The following RGS4 variants were observed in gnomAD, a reference collection of about 807,000 sequenced individuals.
RGS4 encodes schizophrenia disorder 9.
A neutral mutation model predicts 21.6 loss-of-function variants in RGS4; 15 were observed. The observed-to-expected ratio is 0.69, with a 90% CI of 0.46 to 1.07. The LOEUF is 1.07. RGS4 is among the 50% of genes least tolerant of loss of function. The pLI is 0.00. For synonymous variants in RGS4, 94 were observed against 85.5 expected (o/e 1.10, Z -0.55); for missense variants, 237 against 239.0 (o/e 0.99, Z 0.06).
intron 2 of RGS4, 47 bp from the exon 3 acceptor site, chr1:163,072,758 T>G: frequency 6.5e-7 from 1 of 1,536,972 alleles, no homozygotes; most frequent in Non-Finnish European, 9.0e-7. Context: ...GCCCCAATTT[T>G]TTTACCATGG....
Position 163,072,472 on chromosome 1 carries a change from A to C in RGS4, c.122A>C (p.Lys41Thr). 6.2e-7 allele frequency: 1 copy of C among 1,612,894 alleles called. No homozygotes were observed. The highest frequency in any genetic ancestry group is 8.5e-7 in the Non-Finnish European group (1 of 1,179,164). The change falls in exon 2 of 5, where the codon AAG (lysine) becomes ACG (threonine). Residue 41 changes from lysine (K) to threonine (T), a missense_variant. By Grantham distance (78) the Lys-to-Thr change is moderately conservative (BLOSUM62 -1). Coordinates refer to ENST00000367909, the MANE Select transcript of RGS4 (RefSeq NM_005613.6). ...TGTGAACACAATTCTTCCCACAACA[A>C]GAAGGACAAAGTGGTTATTTGCCAG... ...DSCEHNSSHNKKDKVVICQRV... is the reference protein window; with the variant it reads ...DSCEHNSSHNTKDKVVICQRV...
At position 163,072,418 on chromosome 1, in the gene RGS4, T is replaced by G. The variant is rs768355409; in HGVS notation, c.68T>G (p.Leu23Arg). Residue 23 changes from leucine (L) to arginine (R), a missense_variant, in exon 2 of 5, where the codon CTA (leucine) becomes CGA (arginine). Coordinates refer to ENST00000367909, the MANE Select transcript of RGS4 (RefSeq NM_005613.6). ...AGTGCAAAAGATATGAAACATCGGC[T>G]AGGTTTCCTGCTGCAAAAATCTGAT... ...LRSAKDMKHR[L>R]GFLLQKSDSC... 7.4e-6 allele frequency: 12 copies of G among 1,613,012 alleles called. No individual in the cohort carries two copies. The East Asian group carries it at 2.5e-4, about 33-fold the overall frequency.
Position 163,074,732 on chromosome 1 carries a change from T to C in RGS4, c.*172T>C, listed in dbSNP as rs778862768. On this transcript the variant is annotated 3_prime_UTR_variant, in exon 5 of 5. Transcript: ENST00000367909. ...CGCATAAACTAGATATAGCTTTTGG[T>C]GTTTGAGTGTTCATCAGGGTGGGAC... 2.4e-5 allele frequency: 23 copies of C among 972,574 alleles called. No individual in the cohort carries two copies. The highest frequency in any genetic ancestry group is 3.5e-5 in the Non-Finnish European group (22 of 629,454). 60.2% of individuals were successfully genotyped at this position (972,574 alleles called of 1,614,324 possible). A position where few individuals can be genotyped will look rare whatever the true frequency, so the allele number is the denominator to read the frequency against.
intron 2 of RGS4, 90 bp from the exon 3 acceptor site, chr1:163,072,715 A>C: frequency 8.7e-7 from 1 of 1,152,664 alleles, no homozygotes; most frequent in Non-Finnish European, 1.3e-6. Context: ...GGAAAATAAA[A>C]TCTTTGCCTT....
intron 1 of RGS4, chr1:163,071,989 G>A: frequency 1.0e-6 from 1 of 987,732 alleles, no homozygotes; most frequent in Non-Finnish European, 1.2e-6. Context: ...GTGGCGTGCA[G>A]CAAGGATGTG....
intron 1 of RGS4, chr1:163,071,942 A>AG (rs1376251281): frequency 2.1e-6 from 2 of 974,772 alleles, no homozygotes; most frequent in Non-Finnish European, 2.4e-6. Flanking sequence ...CTCTGCCAGC[A>AG]GGGGAACAGA....
chr1:163,072,282 C>A lies in RGS4; in HGVS notation c.45-113C>A, dbSNP rs1655344012. 4.3e-6 allele frequency: 4 copies of A among 926,234 alleles called. No homozygotes were observed. The South Asian group carries it at 7.3e-5, about 17-fold the overall frequency. 57.4% of individuals were successfully genotyped at this position (926,234 alleles called of 1,614,324 possible). A position where few individuals can be genotyped will look rare whatever the true frequency, so the allele number is the denominator to read the frequency against. ...TCATGCCAACTCCAACTCCCGTTCCCTAAACTGTCTCTGAGCCATAGACTA... is the reference window on the plus strand; with the variant it reads ...TCATGCCAACTCCAACTCCCGTTCCATAAACTGTCTCTGAGCCATAGACTA... On this transcript the variant is annotated intron_variant, in intron 1 of 4. Transcript: ENST00000367909.
chr1:163,069,380 G>T lies in RGS4; in HGVS notation c.-105G>T. ...AGCAGGAAGACGCTCAGAGGATTCT[G>T]ACAATATCTTTACCGGAGAAGAGGC... On this transcript the variant is annotated 5_prime_UTR_variant, in exon 1 of 5. Transcript: ENST00000367909. 1 of 1,580,486 alleles carries T rather than the reference G, an allele frequency of 6.3e-7. No individual in the cohort carries two copies. Among genetic ancestry groups the T allele is most frequent in the Non-Finnish European group, 8.6e-7 (1 of 1,161,514 alleles).
intron 1 of RGS4, among the ~76,000 whole-genome samples, chr1:163,069,907 G>C (rs1655247160): frequency 6.6e-6 from 1 of 152,140 alleles, no homozygotes; most frequent in Non-Finnish European, 1.5e-5. Context: ...CTGGCTCTGG[G>C]CTTTCTGATT....
upstream of RGS4, chr1:163,068,965 A>C (rs1463486798): frequency 6.2e-7 from 1 of 1,607,968 alleles, no homozygotes; most frequent in Non-Finnish European, 8.5e-7. Context: ...AATCCAAAAG[A>C]GGAAAGGCAT....
At chr1:163,072,117 C>CAAAG (rs1655337460) in intron 1 of RGS4, 1 of 1,123,222 alleles carries the variant, frequency 8.9e-7, no homozygotes, top group Non-Finnish European at 1.1e-6. Flanking sequence ...AAATGACGGG[C>CAAAG]ATATAAAGGC....
chr1:163,071,478 G>A (rs1473904424), intron 1 of RGS4, among the ~76,000 whole-genome samples: 3 of 152,030 alleles, frequency 2.0e-5, no homozygotes, highest in Admixed American at 6.6e-5. Flanking sequence ...AGAGATGCAA[G>A]CAAGAGGATA....
At chr1:163,073,654 C>A (rs755990605) in intron 4 of RGS4, 32 bp downstream of exon 4, 2 of 1,443,612 alleles carry the variant, frequency 1.4e-6, no homozygotes, top group South Asian at 1.3e-5. Context: ...AAAAATTGTA[C>A]GTATTTATGG....
upstream of RGS4, chr1:163,068,976 T>C (rs1655210518): frequency 1.2e-6 from 2 of 1,607,486 alleles, no homozygotes; most frequent in Non-Finnish European, 1.7e-6. Context: ...GGAAAGGCAT[T>C]GGGAGTCAGC....
intron 1 of RGS4, 76 bp from the exon 2 acceptor site, chr1:163,072,319 T>C (rs1055198431): frequency 6.8e-6 from 8 of 1,184,400 alleles, no homozygotes; most frequent in African/African-American, 4.6e-5. Context: ...TAATGGACTC[T>C]TCAAGCTCTA....
intron 4 of RGS4, chr1:163,073,988 A>G (rs1655413730): frequency 2.6e-6 from 1 of 386,984 alleles, no homozygotes; most frequent in Non-Finnish European, 4.6e-6. Context: ...GCTGACTATC[A>G]TAATCTTGAC....
Position 163,069,412 on chromosome 1 carries a change from C to T in RGS4, c.-73C>T, listed in dbSNP as rs1342264827. The T allele has an allele frequency of 3.1e-6, 5 of 1,607,022 alleles. No homozygotes were observed. The highest frequency in any genetic ancestry group is 2.3e-5 in the East Asian group (1 of 44,434). The stretch of plus-strand genomic sequence containing the variant: ...TCTTTACCGGAGAAGAGGCAAAGTA[C>T]GCTCAAAGCCGAAGCCACAGCTCCT... On this transcript the variant is annotated 5_prime_UTR_variant, in exon 1 of 5. The change creates a new upstream start codon in the 5' untranslated region. Coordinates refer to ENST00000367909, the MANE Select transcript of RGS4 (RefSeq NM_005613.6).
At chr1:163,073,133 A>G (rs1309621705) in intron 3 of RGS4, among the ~76,000 whole-genome samples, 1 of 152,226 alleles carries the variant, frequency 6.6e-6, no homozygotes, top group East Asian at 1.9e-4. Context: ...ATAAATATCA[A>G]TACCTTCTTG....
Position 163,076,200 on chromosome 1 carries a change from C to A in RGS4, c.*1640C>A, listed in dbSNP as rs749932290. Reference sequence around the variant, plus strand: ...CTGCCTTTCAAAGTGCACACACACGCGTCCACATACACTGCATTCGTTGCT... The same window carrying A: ...CTGCCTTTCAAAGTGCACACACACGAGTCCACATACACTGCATTCGTTGCT... On this transcript the variant is annotated 3_prime_UTR_variant, in exon 5 of 5. Transcript: ENST00000367909. The A allele has an allele frequency of 6.6e-6, 1 of 152,586 alleles. No homozygotes were observed. Among genetic ancestry groups the A allele is most frequent in the Non-Finnish European group, 1.5e-5 (1 of 68,036 alleles). The allele number at this position is 152,586 out of a possible 1,614,324, so 9.5% of individuals were successfully genotyped here.
Sources: gnomAD v4.1 joint callset for allele counts (sites outside exome capture counted in the v4.1 genomes callset) on GRCh38, gnomAD v4.1.1 for gene constraint, MANE v1.5 for transcripts, NCBI Gene and HGNC (gene_info 2026-07-23, HGNC 2026-07-21) for gene names.